The following TMEM135 variants were observed in gnomAD, a reference collection of about 807,000 sequenced individuals.
TMEM135 encodes the protein transmembrane protein 135.
TMEM135 carries 30 observed loss-of-function variants against 60.3 expected under a neutral mutation model. The observed-to-expected ratio is 0.50, with a 90% CI of 0.37 to 0.68. The LOEUF (loss-of-function observed/expected upper bound fraction) is 0.68. Among genes scored for constraint, TMEM135 ranks in the 30% least tolerant of loss-of-function variants. The pLI is 0.00. For missense variants in TMEM135, 468 were observed against 548.8 expected, an observed-to-expected ratio of 0.85 and a Z score of 1.47; for synonymous variants, 190 against 186.7, an observed-to-expected ratio of 1.02 and a Z score of -0.14.
rs1185439294 is a variant in TMEM135 at position 87,324,182 on chromosome 11, G to A, written c.*2849G>A. The A allele has an allele frequency of 6.6e-6, 3 of 453,858 alleles. No homozygotes were observed. Among genetic ancestry groups the A allele is most frequent in the Non-Finnish European group, 1.3e-5 (3 of 226,768 alleles). 28.1% of individuals were successfully genotyped at this position (453,858 alleles called of 1,614,324 possible). A position where few individuals can be genotyped will look rare whatever the true frequency, so the allele number is the denominator to read the frequency against. ...GTTAATGCTGACGTAATTGTTTCCT[G>A]CTTATATTTTATCATATCCCTGAGC... On this transcript the variant is annotated 3_prime_UTR_variant, in exon 15 of 15. Coordinates refer to ENST00000305494, the MANE Select transcript of TMEM135 (RefSeq NM_022918.4).
chr11:87,289,222 A>T (rs777285767), intron 6 of TMEM135, among the ~76,000 whole-genome samples: 1 of 152,136 alleles, frequency 6.6e-6, no homozygotes, highest in Non-Finnish European at 1.5e-5. Context: ...TGATGTTTTA[A>T]TACATATATA....
chr11:87,116,140 G>C (rs1035206242), intron 4 of TMEM135, among the ~76,000 whole-genome samples: 2 of 151,980 alleles, frequency 1.3e-5, no homozygotes, highest in Non-Finnish European at 2.9e-5. Context: ...AATGAGATGT[G>C]TAAACATGAG....
intron 1 of TMEM135, among the ~76,000 whole-genome samples, chr11:87,055,305 A>G (rs1949883259): frequency 6.6e-6 from 1 of 152,222 alleles, no homozygotes; most frequent in Admixed American, 6.5e-5. Flanking sequence ...AAAATAGTTT[A>G]TTTGACAATT....
chr11:87,168,194 G>A (rs1360284359), intron 5 of TMEM135, among the ~76,000 whole-genome samples: 2 of 151,856 alleles, frequency 1.3e-5, no homozygotes, highest in Admixed American at 1.3e-4. Context: ...TTTTATTCTT[G>A]TCTCTTTCGT....
At chr11:87,096,924 C>A (rs1229288872) in intron 4 of TMEM135, among the ~76,000 whole-genome samples, 1 of 151,990 alleles carries the variant, frequency 6.6e-6, no homozygotes, top group African/African-American at 2.4e-5. Context: ...ATCATTATGG[C>A]CTCTGGTTCT....
chr11:87,179,393 A>G (rs2135300847), intron 5 of TMEM135, among the ~76,000 whole-genome samples: 1 of 151,198 alleles, frequency 6.6e-6, no homozygotes, highest in South Asian at 2.1e-4. Context: ...TGTTCCATTC[A>G]TTAATTTTTT....
intron 5 of TMEM135, among the ~76,000 whole-genome samples, chr11:87,194,032 C>A (rs1248211291): frequency 6.6e-6 from 1 of 151,874 alleles, no homozygotes; most frequent in East Asian, 1.9e-4. Context: ...CATGTTTATT[C>A]TTTAAAATCT....
chr11:87,138,021 A>G (rs1938151377), intron 4 of TMEM135, among the ~76,000 whole-genome samples: 1 of 151,672 alleles, frequency 6.6e-6, no homozygotes, highest in African/African-American at 2.4e-5. Context: ...TATGTAATGC[A>G]TATTTCCTGT....
intron 5 of TMEM135, among the ~76,000 whole-genome samples, chr11:87,209,916 A>G (rs1369355043): frequency 6.6e-6 from 1 of 152,196 alleles, no homozygotes; most frequent in African/African-American, 2.4e-5. Context: ...CTGCTCTTGA[A>G]TGACTTTTGG....
intron 5 of TMEM135, among the ~76,000 whole-genome samples, chr11:87,210,927 C>T: frequency 6.6e-6 from 1 of 152,084 alleles, no homozygotes; most frequent in East Asian, 1.9e-4. Context: ...GCAGAAAAGG[C>T]CTTTGATAAA....
intron 11 of TMEM135, among the ~76,000 whole-genome samples, chr11:87,314,060 G>A (rs934786798): frequency 1.3e-5 from 2 of 151,768 alleles, no homozygotes; most frequent in Non-Finnish European, 3.0e-5. Flanking sequence ...GCTATGGAGA[G>A]AAGTATTGTG....
chr11:87,047,730 G>C (rs1288176237), intron 1 of TMEM135, among the ~76,000 whole-genome samples: 1 of 123,182 alleles, frequency 8.1e-6, no homozygotes, highest in Non-Finnish European at 1.7e-5. Flanking sequence ...CGGCAACGAG[G>C]CTGGGGGAGG....
intron 6 of TMEM135, among the ~76,000 whole-genome samples, chr11:87,262,395 T>C (rs301604): frequency 0.64 from 96,689 of 152,048 alleles, 31,100 homozygotes; most frequent in Non-Finnish European, 0.67. Flanking sequence ...CATCCTAGTT[T>C]ATGTTGGTAA....
intron 5 of TMEM135, among the ~76,000 whole-genome samples, chr11:87,173,987 C>A (rs1939306908): frequency 6.6e-6 from 1 of 152,070 alleles, no homozygotes; most frequent in Admixed American, 6.6e-5. Context: ...TGTTTCTTTG[C>A]ATAAAGTAAA....
intron 5 of TMEM135, among the ~76,000 whole-genome samples, chr11:87,210,706 C>G (rs571127115): frequency 1.3e-5 from 2 of 152,218 alleles, no homozygotes; most frequent in African/African-American, 4.8e-5. Flanking sequence ...AAAAGGAAAA[C>G]TTAAGGCCAA....
At chr11:87,208,898 A>G (rs1205102551) in intron 5 of TMEM135, among the ~76,000 whole-genome samples, 3 of 152,208 alleles carry the variant, frequency 2.0e-5, no homozygotes, top group African/African-American at 7.2e-5. Context: ...TAAATGAGAT[A>G]GGGGGCTTAT....
intron 4 of TMEM135, among the ~76,000 whole-genome samples, chr11:87,138,503 A>G (rs1938170774): frequency 6.6e-6 from 1 of 152,202 alleles, no homozygotes; most frequent in East Asian, 1.9e-4. Flanking sequence ...CACATACCCC[A>G]ATATAATCAG....
At chr11:87,130,841 A>G (rs576939633) in intron 4 of TMEM135, among the ~76,000 whole-genome samples, 1 of 151,968 alleles carries the variant, frequency 6.6e-6, no homozygotes, top group African/African-American at 2.4e-5. Flanking sequence ...AAATTATTGG[A>G]GTGATCTAAT....
chr11:87,235,047 C>T (rs493708), intron 5 of TMEM135, among the ~76,000 whole-genome samples: 9,406 of 151,802 alleles, frequency 0.062, 382 homozygotes, highest in South Asian at 0.12. Context: ...CATTGTCCAA[C>T]GGGGATTGAA....
Sources: gnomAD v4.1 joint callset for allele counts (sites outside exome capture counted in the v4.1 genomes callset) on GRCh38, gnomAD v4.1.1 for gene constraint, MANE v1.5 for transcripts, NCBI Gene and HGNC (gene_info 2026-07-23, HGNC 2026-07-21) for gene names.